Variants in SNX25 observed in about 807,000 individuals in gnomAD.
SNX25 encodes the protein sorting nexin-25.
A neutral mutation model predicts 113.7 loss-of-function variants in SNX25; 62 were observed. The observed-to-expected ratio is 0.55, with a 90% CI of 0.44 to 0.67. The LOEUF is 0.67. Among genes scored for constraint, SNX25 ranks in the 30% least tolerant of loss-of-function variants. SNX25 has a pLI of 0.00. For synonymous variants in SNX25, 421 were observed against 436.2 expected, an observed-to-expected ratio of 0.97 and a Z score of 0.43; for missense variants, 1,014 against 1,161.0, an observed-to-expected ratio of 0.87 and a Z score of 1.84.
intron 7 of SNX25, among the ~76,000 whole-genome samples, chr4:185,313,452 G>A (rs1174315535): frequency 1.3e-5 from 2 of 152,164 alleles, no homozygotes. Flanking sequence ...AATGTCACAA[G>A]TAGAGTTGGA....
At chr4:185,252,345 A>G (rs556103282) in intron 2 of SNX25, among the ~76,000 whole-genome samples, 3 of 152,320 alleles carry the variant, frequency 2.0e-5, no homozygotes, top group East Asian at 3.9e-4. Context: ...CCCGGCACCA[A>G]TATATTTAAT....
At chr4:185,261,237 G>GTGCGT (rs1329710990) in intron 3 of SNX25, among the ~76,000 whole-genome samples, 1 of 151,886 alleles carries the variant, frequency 6.6e-6, no homozygotes, top group Non-Finnish European at 1.5e-5. Flanking sequence ...GAGTGCAGTG[G>GTGCGT]TGCGATCTTG....
intron 16 of SNX25, 35 bp downstream of exon 16, chr4:185,357,772 C>T (rs377447919): frequency 1.0e-4 from 162 of 1,556,992 alleles, no homozygotes; most frequent in Non-Finnish European, 1.3e-4. Context: ...GGATCCATGC[C>T]CTACTCTTTT....
intron 5 of SNX25, among the ~76,000 whole-genome samples, chr4:185,276,616 CTTG>C: frequency 6.6e-6 from 1 of 152,252 alleles, no homozygotes; most frequent in East Asian, 1.9e-4. Flanking sequence ...GGGAGGATGG[CTTG>C]AGCCCAGGAG....
At chr4:185,272,688 A>C (rs1478126484) in intron 5 of SNX25, among the ~76,000 whole-genome samples, 1 of 152,174 alleles carries the variant, frequency 6.6e-6, no homozygotes, top group Non-Finnish European at 1.5e-5. Context: ...TTCCCATCTG[A>C]AGTCTTGACT....
intron 6 of SNX25, among the ~76,000 whole-genome samples, chr4:185,303,572 T>C (rs1024196939): frequency 2.1e-5 from 3 of 144,712 alleles, no homozygotes; most frequent in Admixed American, 7.3e-5. Flanking sequence ...GGCAGGAGAA[T>C]GGCATGAACC....
chr4:185,233,244 CACT>C (rs1390982248), intron 1 of SNX25, among the ~76,000 whole-genome samples: 3 of 151,832 alleles, frequency 2.0e-5, no homozygotes, highest in Non-Finnish European at 4.4e-5. Flanking sequence ...AAGATGGCAC[CACT>C]GCACTCCAGC....
chr4:185,373,065 A>G (rs915642326), downstream of SNX25: 1 of 1,606,494 alleles, frequency 6.2e-7, no homozygotes, highest in Non-Finnish European at 8.5e-7. Context: ...ATGCTTCGGA[A>G]TGCCAGTAAA....
intron 1 of SNX25, among the ~76,000 whole-genome samples, chr4:185,237,357 A>G (rs1002222720): frequency 5.9e-5 from 9 of 152,212 alleles, no homozygotes; most frequent in Admixed American, 5.9e-4. Flanking sequence ...CGTCACAGCA[A>G]AACATCTCCA....
chr4:185,318,412 G>C (rs1228627051), intron 7 of SNX25, among the ~76,000 whole-genome samples: 3 of 152,152 alleles, frequency 2.0e-5, no homozygotes. Context: ...TGTTCCTTCT[G>C]TGTCTTCAGA....
chr4:185,311,515 T>A (rs1404428487), intron 7 of SNX25, among the ~76,000 whole-genome samples: 1 of 151,848 alleles, frequency 6.6e-6, no homozygotes, highest in African/African-American at 2.4e-5. Flanking sequence ...CATACTAAGA[T>A]AGAAGGAAGC....
intron 10 of SNX25, among the ~76,000 whole-genome samples, chr4:185,338,479 G>A (rs2095243865): frequency 6.6e-6 from 1 of 151,926 alleles, no homozygotes; most frequent in Non-Finnish European, 1.5e-5. Flanking sequence ...GTAGTGACAG[G>A]GTTTTGCCAT....
chr4:185,259,825 G>A (rs923478930), intron 3 of SNX25, among the ~76,000 whole-genome samples: 7 of 152,190 alleles, frequency 4.6e-5, no homozygotes, highest in Admixed American at 4.6e-4. Flanking sequence ...AAGAGATAAA[G>A]TATTTAGATG....
At chr4:185,268,990 A>G (rs1174404502) in intron 5 of SNX25, among the ~76,000 whole-genome samples, 1 of 152,182 alleles carries the variant, frequency 6.6e-6, no homozygotes, top group Non-Finnish European at 1.5e-5. Context: ...TTCTCTTGCC[A>G]TGCATAATTT....
intron 10 of SNX25, among the ~76,000 whole-genome samples, chr4:185,333,985 G>A (rs1490751096): frequency 6.6e-6 from 1 of 150,820 alleles, no homozygotes; most frequent in African/African-American, 2.5e-5. Flanking sequence ...GAAAGTCAAG[G>A]CTGCAGTGAG....
chr4:185,343,957 G>A (rs986240623), intron 12 of SNX25, among the ~76,000 whole-genome samples: 4 of 152,138 alleles, frequency 2.6e-5, no homozygotes, highest in African/African-American at 9.7e-5. Context: ...GTTGGCTCAC[G>A]CCTGTAATCC....
At chr4:185,227,170 T>C (rs1331715386) in intron 1 of SNX25, among the ~76,000 whole-genome samples, 1 of 152,266 alleles carries the variant, frequency 6.6e-6, no homozygotes, top group Non-Finnish European at 1.5e-5. Context: ...AGTGTTCCCC[T>C]CACATCTTAC....
chr4:185,229,706 A>G (rs1741541181), intron 1 of SNX25, among the ~76,000 whole-genome samples: 1 of 152,154 alleles, frequency 6.6e-6, no homozygotes, highest in South Asian at 2.1e-4. Context: ...GGGAAGGAGA[A>G]TTGTTTCTTC....
chr4:185,284,463 T>C (rs1053831005), intron 5 of SNX25, among the ~76,000 whole-genome samples: 3 of 152,044 alleles, frequency 2.0e-5, no homozygotes, highest in Non-Finnish European at 4.4e-5. Context: ...ATATGTAAGA[T>C]CTAGGTAGGT....
Sources: gnomAD v4.1 joint callset for allele counts (sites outside exome capture counted in the v4.1 genomes callset) on GRCh38, gnomAD v4.1.1 for gene constraint, MANE v1.5 for transcripts, NCBI Gene and HGNC (gene_info 2026-07-23, HGNC 2026-07-21) for gene names.